The following AGMO variants were observed in gnomAD, a reference collection of about 807,000 sequenced individuals.
The protein encoded by AGMO is alkylglycerol monooxygenase.
AGMO carries 75 observed loss-of-function variants against 60.2 expected under a neutral mutation model. The ratio of observed to expected loss-of-function variants is 1.25; its 90% CI spans 1.03 to 1.51. The LOEUF is 1.51. Among genes scored for constraint, AGMO ranks in the 40% most tolerant of loss-of-function variants. The pLI is 0.00. For synonymous variants in AGMO, 261 were observed against 177.1 expected (o/e 1.47, Z -3.76); for missense variants, 763 against 525.5 (o/e 1.45, Z -4.42).
intron 12 of AGMO, among the ~76,000 whole-genome samples, chr7:15,354,371 CGT>C (rs1218625543): frequency 1.8e-5 from 1 of 55,210 alleles, no homozygotes; most frequent in Admixed American, 1.6e-4. Flanking sequence ...TGTATATAGA[CGT>C]GTGTATACAC....
chr7:15,251,885 A>G (rs1279118785), intron 12 of AGMO, among the ~76,000 whole-genome samples: 3 of 152,218 alleles, frequency 2.0e-5, no homozygotes, highest in Non-Finnish European at 4.4e-5. Flanking sequence ...GTTCCTTGCA[A>G]GAGGCATGCT....
chr7:15,427,253 A>G (rs1421572445), intron 4 of AGMO, among the ~76,000 whole-genome samples: 1 of 152,192 alleles, frequency 6.6e-6, no homozygotes, highest in Non-Finnish European at 1.5e-5. Context: ...AAGCACGTAC[A>G]CATGCACGTG....
chr7:15,484,240 TATTATA>T (rs777462062), intron 3 of AGMO, among the ~76,000 whole-genome samples: 21 of 152,138 alleles, frequency 1.4e-4, no homozygotes, highest in Non-Finnish European at 2.1e-4. Flanking sequence ...GTAAAGAAAT[TATTATA>T]ATTATTATTA....
intron 12 of AGMO, among the ~76,000 whole-genome samples, chr7:15,324,245 T>C (rs975784844): frequency 5.3e-5 from 8 of 152,252 alleles, no homozygotes; most frequent in Admixed American, 5.2e-4. Context: ...GTGTGTGCCA[T>C]AGTTGAGACA....
intron 12 of AGMO, among the ~76,000 whole-genome samples, chr7:15,354,340 ACACGCGTG>A (rs1563104856): frequency 5.7e-5 from 5 of 88,008 alleles, no homozygotes; most frequent in East Asian, 3.7e-4. Flanking sequence ...GCGTGTATAT[ACACGCGTG>A]TATATAGACG....
intron 3 of AGMO, among the ~76,000 whole-genome samples, chr7:15,450,573 T>C (rs1418557299): frequency 6.6e-6 from 1 of 152,178 alleles, no homozygotes; most frequent in Non-Finnish European, 1.5e-5. Context: ...ACCAAGACTA[T>C]CTTTGTAGTT....
chr7:15,273,165 C>T (rs1205697543), intron 12 of AGMO, among the ~76,000 whole-genome samples: 1 of 152,144 alleles, frequency 6.6e-6, no homozygotes, highest in Non-Finnish European at 1.5e-5. Context: ...GCTTTTCTTG[C>T]CATTGCTTTT....
chr7:15,178,266 T>C, the AGMO span, among the ~76,000 whole-genome samples: 1 of 152,288 alleles, frequency 6.6e-6, no homozygotes, highest in East Asian at 1.9e-4. Context: ...GACTAAAACA[T>C]CTTGATTCTA....
At chr7:15,326,498 A>G (rs533888589) in intron 12 of AGMO, among the ~76,000 whole-genome samples, 28 of 152,180 alleles carry the variant, frequency 1.8e-4, no homozygotes, top group South Asian at 1.2e-3. Flanking sequence ...CATTCTACCT[A>G]TTTTGGGAAG....
chr7:15,247,665 T>C (rs1183471212), intron 12 of AGMO, among the ~76,000 whole-genome samples: 2 of 152,162 alleles, frequency 1.3e-5, no homozygotes, highest in Admixed American at 1.3e-4. Context: ...AAAAGGAGCA[T>C]ATTCTGAAAA....
chr7:15,250,556 A>AACACACAC (rs35821350), intron 12 of AGMO, among the ~76,000 whole-genome samples: 4 of 149,362 alleles, frequency 2.7e-5, no homozygotes, highest in South Asian at 2.1e-4. Context: ...ACACACACTA[A>AACACACAC]ACACACACAC....
intron 12 of AGMO, among the ~76,000 whole-genome samples, chr7:15,342,866 C>A (rs1367407940): frequency 7.0e-6 from 1 of 142,904 alleles, no homozygotes; most frequent in Non-Finnish European, 1.5e-5. Flanking sequence ...TTCATTAATT[C>A]TCTGGGCCTC....
At chr7:15,277,551 A>G (rs1382438963) in intron 12 of AGMO, among the ~76,000 whole-genome samples, 1 of 151,700 alleles carries the variant, frequency 6.6e-6, no homozygotes, top group African/African-American at 2.4e-5. Context: ...TTCTATTTTA[A>G]ATTTTCTCCA....
At chr7:15,354,192 T>G (rs1782362080) in intron 12 of AGMO, among the ~76,000 whole-genome samples, 1 of 151,320 alleles carries the variant, frequency 6.6e-6, no homozygotes, top group African/African-American at 2.4e-5. Context: ...TATTTTCACC[T>G]TCAACTTAGC....
intron 3 of AGMO, among the ~76,000 whole-genome samples, chr7:15,534,020 A>G (rs1232291572): frequency 1.3e-5 from 2 of 152,100 alleles, no homozygotes; most frequent in Non-Finnish European, 2.9e-5. Flanking sequence ...ACTTTAGGAC[A>G]CATACTTATG....
chr7:15,381,720 A>G (rs1205238495), intron 10 of AGMO, among the ~76,000 whole-genome samples: 2 of 152,190 alleles, frequency 1.3e-5, no homozygotes, highest in Non-Finnish European at 2.9e-5. Flanking sequence ...TTAAATGCAT[A>G]CATATGTTCA....
intron 12 of AGMO, among the ~76,000 whole-genome samples, chr7:15,236,448 G>C (rs1214015299): frequency 6.6e-6 from 1 of 152,028 alleles, no homozygotes; most frequent in Admixed American, 6.6e-5. Flanking sequence ...AGTTTTGCTA[G>C]GTAAGTGTGG....
At chr7:15,236,915 T>G (rs1293872352) in intron 12 of AGMO, among the ~76,000 whole-genome samples, 2 of 151,480 alleles carry the variant, frequency 1.3e-5, no homozygotes, top group African/African-American at 4.8e-5. Context: ...TCTAAGAAAC[T>G]GGTAAATAAA....
intron 12 of AGMO, among the ~76,000 whole-genome samples, chr7:15,305,410 C>T (rs904959469): frequency 5.9e-5 from 9 of 151,802 alleles, no homozygotes; most frequent in African/African-American, 1.9e-4. Context: ...AAGTATTTTC[C>T]GTGCATCTGG....
Sources: gnomAD v4.1 joint callset for allele counts (sites outside exome capture counted in the v4.1 genomes callset) on GRCh38, gnomAD v4.1.1 for gene constraint, MANE v1.5 for transcripts, NCBI Gene and HGNC (gene_info 2026-07-23, HGNC 2026-07-21) for gene names.